The following GALNT1 variants were observed in gnomAD, a reference collection of about 807,000 sequenced individuals.
The protein encoded by GALNT1 is GalNAc transferase 1.
GALNT1 carries 17 observed loss-of-function variants against 65.7 expected under a neutral mutation model. That is an observed-to-expected ratio of 0.26 (90% CI 0.18 to 0.39). The LOEUF (loss-of-function observed/expected upper bound fraction) is 0.39, where lower values mean the gene tolerates loss of function less well. GALNT1 is among the 10% of genes least tolerant of loss of function. The pLI is 1.00. For missense variants in GALNT1, 460 were observed against 672.8 expected (o/e 0.68, Z 3.50); for synonymous variants, 210 against 219.7 (o/e 0.96, Z 0.39).
At chr18:35,672,290 A>G (rs1001053585) in intron 3 of GALNT1, among the ~76,000 whole-genome samples, 1 of 152,166 alleles carries the variant, frequency 6.6e-6, no homozygotes, top group Non-Finnish European at 1.5e-5. Flanking sequence ...GGACTTTTCC[A>G]TCTCTACTTT....
intron 11 of GALNT1, among the ~76,000 whole-genome samples, chr18:35,707,327 C>T (rs572656254): frequency 2.6e-5 from 4 of 152,284 alleles, no homozygotes; most frequent in South Asian, 2.1e-4. Context: ...TCAAAGGTTA[C>T]GGTTAGATGC....
chr18:35,621,548 T>C (rs1043607936), intron 1 of GALNT1, among the ~76,000 whole-genome samples: 1 of 141,366 alleles, frequency 7.1e-6, no homozygotes, highest in African/African-American at 2.8e-5. Flanking sequence ...AATCTTTTGT[T>C]CATTATCTGT....
At chr18:35,705,321 C>T (rs2048238343) in intron 11 of GALNT1, among the ~76,000 whole-genome samples, 1 of 152,250 alleles carries the variant, frequency 6.6e-6, no homozygotes, top group African/African-American at 2.4e-5. Context: ...TAATTACAGT[C>T]ATCTCTGACC....
chr18:35,662,435 C>T (rs1038324243), intron 2 of GALNT1, among the ~76,000 whole-genome samples: 6 of 152,118 alleles, frequency 3.9e-5, no homozygotes, highest in Non-Finnish European at 5.9e-5. Context: ...AAATTCTGGA[C>T]GTGGTTGAGG....
At chr18:35,648,759 A>G (rs556170047) in intron 1 of GALNT1, among the ~76,000 whole-genome samples, 5 of 152,298 alleles carry the variant, frequency 3.3e-5, no homozygotes, top group Middle Eastern at 3.4e-3. Flanking sequence ...TTGAATTTAT[A>G]TACAGTAAAA....
intron 11 of GALNT1, among the ~76,000 whole-genome samples, 181 bp downstream of exon 11, chr18:35,703,824 A>T (rs1457397274): frequency 6.6e-6 from 1 of 152,192 alleles, no homozygotes; most frequent in East Asian, 1.9e-4. Context: ...CTCCCTAATA[A>T]TTAAATTTTA....
intron 3 of GALNT1, among the ~76,000 whole-genome samples, chr18:35,666,951 A>C (rs1568027801): frequency 6.6e-6 from 1 of 152,206 alleles, no homozygotes; most frequent in Non-Finnish European, 1.5e-5. Flanking sequence ...TTTTAAAAAA[A>C]AAAAGTTTTA....
Position 35,656,195 on chromosome 18 carries a change from C to G in GALNT1, c.139+1394C>G, listed in dbSNP as rs184091110. Among the ~76,000 whole-genome samples, 12 of 152,288 alleles carry G rather than the reference C, an allele frequency of 7.9e-5. No individual in the cohort carries two copies. The East Asian group carries it at 2.3e-3, about 29-fold the overall frequency. On this transcript the variant is annotated intron_variant, in intron 2 of 11. Coordinates refer to ENST00000269195, the MANE Select transcript of GALNT1 (RefSeq NM_020474.4). ...AATTCATTGCCATTTATAATAAGCT[C>G]ATGGTGTTCTATCTTAAATGTAAAG...
intron 1 of GALNT1, among the ~76,000 whole-genome samples, chr18:35,595,112 T>TA (rs1386362746): frequency 6.6e-6 from 1 of 152,154 alleles, no homozygotes; most frequent in Non-Finnish European, 1.5e-5. Context: ...TTCTGACAAA[T>TA]ACACAATTCA....
intron 1 of GALNT1, among the ~76,000 whole-genome samples, chr18:35,634,091 C>T (rs1021379308): frequency 1.1e-4 from 17 of 152,156 alleles, no homozygotes; most frequent in African/African-American, 3.1e-4. Flanking sequence ...TTTATTTAAT[C>T]TGAGAAGGTG....
At chr18:35,680,482 T>C (rs509118) in intron 4 of GALNT1, among the ~76,000 whole-genome samples, 150,546 of 152,334 alleles carry the variant, frequency 0.99, 74,409 homozygotes, top group East Asian at 1. Flanking sequence ...CCATTATCTC[T>C]TCAGTTCCCA....
chr18:35,645,699 A>G (rs1459343069), intron 1 of GALNT1, among the ~76,000 whole-genome samples: 1 of 152,210 alleles, frequency 6.6e-6, no homozygotes, highest in African/African-American at 2.4e-5. Context: ...GCAGATGATA[A>G]TTTTGTTTTT....
At chr18:35,607,658 C>T (rs1384759032) in intron 1 of GALNT1, among the ~76,000 whole-genome samples, 4 of 152,098 alleles carry the variant, frequency 2.6e-5, no homozygotes, top group African/African-American at 9.7e-5. Flanking sequence ...TATTTGCTGA[C>T]TCGGGCTGGT....
chr18:35,584,819 G>C (rs1448115017), intron 1 of GALNT1, among the ~76,000 whole-genome samples: 1 of 152,158 alleles, frequency 6.6e-6, no homozygotes, highest in Non-Finnish European at 1.5e-5. Context: ...CCGGAAGGAG[G>C]TGGAGCTCAG....
At chr18:35,605,712 C>T (rs2046638830) in intron 1 of GALNT1, among the ~76,000 whole-genome samples, 1 of 151,906 alleles carries the variant, frequency 6.6e-6, no homozygotes, top group Non-Finnish European at 1.5e-5. Flanking sequence ...CTCATATACT[C>T]ATCATCTAAC....
In GALNT1 at chr18:35,709,872, C is replaced by T. The variant is rs1384222153; in HGVS notation, c.*102C>T. The T allele has an allele frequency of 1.5e-6, 2 of 1,334,358 alleles. No individual in the cohort carries two copies. Among genetic ancestry groups the T allele is most frequent in the East Asian group, 2.5e-5 (1 of 40,406 alleles). The allele number at this position is 1,334,358 out of a possible 1,614,324, so 82.7% of individuals were successfully genotyped here. On this transcript the variant is annotated 3_prime_UTR_variant, in exon 12 of 12. Coordinates refer to ENST00000269195, the MANE Select transcript of GALNT1 (RefSeq NM_020474.4). ...GTAGCAAAAAAGGAAAAGTGCTTTC[C>T]TCCTCTGCAGGATGTAAGGTTTATC...
At chr18:35,645,531 G>C (rs1272823412) in intron 1 of GALNT1, among the ~76,000 whole-genome samples, 2 of 152,058 alleles carry the variant, frequency 1.3e-5, no homozygotes, top group African/African-American at 4.8e-5. Flanking sequence ...CACCTGGCCG[G>C]TTTATTTTAT....
At chr18:35,676,802 G>GAAA (rs2047717373) in intron 3 of GALNT1, among the ~76,000 whole-genome samples, 1 of 152,198 alleles carries the variant, frequency 6.6e-6, no homozygotes, top group East Asian at 1.9e-4. Flanking sequence ...CTGATAGGCT[G>GAAA]TTATCTAGTA....
intron 1 of GALNT1, among the ~76,000 whole-genome samples, chr18:35,630,609 C>A (rs920760596): frequency 2.0e-5 from 3 of 152,124 alleles, no homozygotes; most frequent in African/African-American, 7.2e-5. Flanking sequence ...CAGGAAAGAT[C>A]CAAAATTGAC....
Sources: allele counts gnomAD v4.1 joint callset (sites outside exome capture counted in the v4.1 genomes callset), GRCh38; gene constraint gnomAD v4.1.1; transcripts MANE v1.5; gene names NCBI Gene and HGNC (gene_info 2026-07-23, HGNC 2026-07-21).